XRN2: variants seen among roughly 807,000 people sequenced by gnomAD.
XRN2 encodes 5'-3' exoribonuclease 2.
In XRN2, 44 loss-of-function variants were observed where a neutral mutation model predicts 138.5. The observed-to-expected ratio is 0.32, with a 90% confidence interval of 0.25 to 0.41. The LOEUF (loss-of-function observed/expected upper bound fraction) is 0.41. Among genes scored for constraint, XRN2 ranks in the 10% least tolerant of loss-of-function variants. The probability of loss-of-function intolerance (pLI) is 1.00; values close to 1 mark genes in which losing one functional copy is unlikely to be tolerated. For synonymous variants in XRN2, 354 were observed against 369.4 expected (o/e 0.96, Z 0.48); for missense variants, 937 against 1,169.3 (o/e 0.80, Z 2.90).
chr20:21,315,415 G>A (rs1476874826), intron 1 of XRN2, among the ~76,000 whole-genome samples: 12 of 152,216 alleles, frequency 7.9e-5, no homozygotes, highest in African/African-American at 2.7e-4. Context: ...ATGACTAGTC[G>A]TGTTGAGCAT....
At chr20:21,311,057 G>C (rs998471438) in intron 1 of XRN2, among the ~76,000 whole-genome samples, 11 of 152,090 alleles carry the variant, frequency 7.2e-5, no homozygotes, top group Admixed American at 7.2e-4. Context: ...GTCCGGGTCT[G>C]GCTTTTTTAT....
intron 29 of XRN2, 60 bp downstream of exon 29, chr20:21,387,066 G>C (rs908440646): frequency 7.7e-6 from 12 of 1,550,332 alleles, no homozygotes; most frequent in Non-Finnish European, 1.1e-5. Context: ...AGCCTCACAG[G>C]ACTCCGTATT....
chr20:21,327,874 T>A (rs936637264), intron 3 of XRN2, among the ~76,000 whole-genome samples: 1 of 152,198 alleles, frequency 6.6e-6, no homozygotes, highest in African/African-American at 2.4e-5. Flanking sequence ...ACCCCAAAAC[T>A]CAGTTCAGTA....
chr20:21,339,151 G>T, intron 14 of XRN2, 63 bp downstream of exon 14: 1 of 1,478,408 alleles, frequency 6.8e-7, no homozygotes, highest in Non-Finnish European at 9.4e-7. Context: ...TGAGGAAGAT[G>T]TTCATTACAG....
chr20:21,328,936 C>T (rs1306019785), intron 4 of XRN2, among the ~76,000 whole-genome samples: 1 of 152,056 alleles, frequency 6.6e-6, no homozygotes, highest in Non-Finnish European at 1.5e-5. Flanking sequence ...CTCTCAGGGC[C>T]AGTGCAGCTC....
At chr20:21,345,318 C>T (rs2122243653) in intron 16 of XRN2, among the ~76,000 whole-genome samples, 1 of 152,296 alleles carries the variant, frequency 6.6e-6, no homozygotes, top group South Asian at 2.1e-4. Flanking sequence ...AATGCCTCTA[C>T]CAAGAAATGC....
intron 27 of XRN2, among the ~76,000 whole-genome samples, chr20:21,379,335 C>T (rs1038338562): frequency 6.6e-6 from 1 of 152,166 alleles, no homozygotes; most frequent in African/African-American, 2.4e-5. Flanking sequence ...TACTTCATTA[C>T]AGATCAGCCA....
chr20:21,348,330 T>C lies in XRN2; in HGVS notation c.1774-11T>C. On this transcript the variant is annotated splice_polypyrimidine_tract_variant and intron_variant, in intron 18 of 29. Transcript: ENST00000377191. ...ATAATCTTGGGTCTTTAATGTTTTT[T>C]CTTTTTTCAGTTTAAACCACTAGAA... is the stretch of plus-strand genomic sequence containing the variant. The C allele has an allele frequency of 6.2e-7, 1 of 1,612,900 alleles. No individual in the cohort carries two copies. Among genetic ancestry groups the C allele is most frequent in the Non-Finnish European group, 8.5e-7 (1 of 1,179,654 alleles).
At chr20:21,364,804 C>CAAA (rs55958227) in intron 24 of XRN2, among the ~76,000 whole-genome samples, 1 of 95,494 alleles carries the variant, frequency 1.0e-5, no homozygotes, top group African/African-American at 4.1e-5. Context: ...AGACCTGTCT[C>CAAA]AAAAAAAAAA....
At chr20:21,359,544 A>G (rs1166193462) in intron 24 of XRN2, among the ~76,000 whole-genome samples, 2 of 152,080 alleles carry the variant, frequency 1.3e-5, no homozygotes, top group Admixed American at 1.3e-4. Context: ...AAAAATGTAT[A>G]AAACAAATCC....
chr20:21,337,636 C>T (rs1008810981), intron 13 of XRN2, among the ~76,000 whole-genome samples: 70 of 152,198 alleles, frequency 4.6e-4, no homozygotes, highest in African/African-American at 1.6e-3. Context: ...CCAACATTAA[C>T]TCATTTCTGC....
At chr20:21,385,818 T>C (rs2038931512) in intron 28 of XRN2, among the ~76,000 whole-genome samples, 1 of 152,186 alleles carries the variant, frequency 6.6e-6, no homozygotes, top group Admixed American at 6.5e-5. Flanking sequence ...ATTCTTATGC[T>C]GATATGGTTA....
At chr20:21,389,047 TTTTTG>T (rs1316707812) in intron 29 of XRN2, among the ~76,000 whole-genome samples, 1 of 152,202 alleles carries the variant, frequency 6.6e-6, no homozygotes, top group Non-Finnish European at 1.5e-5. Flanking sequence ...TTGTTAAGGT[TTTTTG>T]TTTTATTTTT....
intron 13 of XRN2, among the ~76,000 whole-genome samples, chr20:21,338,439 T>C (rs553126713): frequency 6.6e-6 from 1 of 152,200 alleles, no homozygotes. Context: ...TAGTAAGCCG[T>C]GCATACACCT....
At chr20:21,358,864 C>G (rs1287025487) in intron 24 of XRN2, among the ~76,000 whole-genome samples, 2 of 152,142 alleles carry the variant, frequency 1.3e-5, no homozygotes, top group Non-Finnish European at 2.9e-5. Context: ...GCTCCTAAAC[C>G]CATCACAAAC....
chr20:21,356,013 T>A, intron 21 of XRN2, 67 bp from the exon 22 acceptor site: 1 of 1,092,498 alleles, frequency 9.2e-7, no homozygotes, highest in Non-Finnish European at 1.3e-6. Flanking sequence ...TGTTTTATGC[T>A]CATAAAAATT....
chr20:21,316,217 G>A (rs1378946870), intron 1 of XRN2, among the ~76,000 whole-genome samples: 1 of 152,240 alleles, frequency 6.6e-6, no homozygotes, highest in Non-Finnish European at 1.5e-5. Context: ...TTGTGCCATT[G>A]CACTCCAGCC....
chr20:21,371,631 A>C (rs1352716739), intron 27 of XRN2, among the ~76,000 whole-genome samples: 2 of 152,258 alleles, frequency 1.3e-5, no homozygotes, highest in Non-Finnish European at 2.9e-5. Context: ...ATAAATGGTG[A>C]AAGCATATCC....
chr20:21,377,990 G>A (rs985337283), intron 27 of XRN2, among the ~76,000 whole-genome samples: 3 of 152,138 alleles, frequency 2.0e-5, no homozygotes, highest in Non-Finnish European at 4.4e-5. Context: ...AGTGATGTTG[G>A]GTTTTGGTTT....
Sources: allele counts gnomAD v4.1 joint callset (sites outside exome capture counted in the v4.1 genomes callset), GRCh38; gene constraint gnomAD v4.1.1; transcripts MANE v1.5; gene names NCBI Gene and HGNC (gene_info 2026-07-23, HGNC 2026-07-21).